The following DNMT3B variants were observed in gnomAD, a reference collection of about 807,000 sequenced individuals.
The protein encoded by DNMT3B is DNA (cytosine-5)-methyltransferase 3B.
In DNMT3B, 37 loss-of-function variants were observed where a neutral mutation model predicts 120.2. The observed-to-expected ratio is 0.31, with a 90% CI of 0.24 to 0.40. The LOEUF (loss-of-function observed/expected upper bound fraction) is 0.40. Ranked by LOEUF, DNMT3B falls within the 10% of genes least tolerant of loss-of-function variation. The pLI, the probability that DNMT3B is intolerant of heterozygous loss-of-function variation, is 1.00. For synonymous variants in DNMT3B, 412 were observed against 442.8 expected (o/e 0.93, Z 0.87); for missense variants, 878 against 1,137.3 (o/e 0.77, Z 3.28).
At chr20:32,798,987 G>A (rs1031165073) in intron 15 of DNMT3B, among the ~76,000 whole-genome samples, 1 of 152,186 alleles carries the variant, frequency 6.6e-6, no homozygotes, top group Non-Finnish European at 1.5e-5. Context: ...TTCCTGTCTG[G>A]GGTGATACCT....
At chr20:32,783,812 G>A (rs945971010) in intron 3 of DNMT3B, among the ~76,000 whole-genome samples, 3 of 151,756 alleles carry the variant, frequency 2.0e-5, no homozygotes, top group Non-Finnish European at 4.4e-5. Context: ...TGCAACCTCC[G>A]CCTCCCAGGT....
chr20:32,773,934 G>GGTTTTTTTTTTTTT (rs1987901194), intron 1 of DNMT3B, among the ~76,000 whole-genome samples: 1 of 69,130 alleles, frequency 1.4e-5, no homozygotes, highest in African/African-American at 6.6e-5. Flanking sequence ...CCCGGCAGTG[G>GGTTTTTTTTTTTTT]TTTTTTTTTT....
chr20:32,785,052 T>TC (rs397829566), intron 4 of DNMT3B, among the ~76,000 whole-genome samples, 193 bp downstream of exon 4: 1 of 151,848 alleles, frequency 6.6e-6, no homozygotes, highest in Non-Finnish European at 1.5e-5. Context: ...TTTTTTTTTT[T>TC]CTGAGACGGA....
At chr20:32,777,974 T>G (rs938975100) in intron 1 of DNMT3B, among the ~76,000 whole-genome samples, 1 of 152,250 alleles carries the variant, frequency 6.6e-6, no homozygotes. Context: ...GTTTATAATC[T>G]GAACAATGCT....
Position 32,805,321 on chromosome 20 carries a change from G to A in DNMT3B, c.2232-17G>A, listed in dbSNP as rs1465134171. ...CTCTATAGCTAGTAAGAAGTAATGG[G>A]TTTTGGCTGTTCCCAGGCCCGTGAT... On this transcript the variant is annotated splice_polypyrimidine_tract_variant and intron_variant, in intron 20 of 22. Transcript: ENST00000328111. The A allele has an allele frequency of 3.1e-6, 5 of 1,614,172 alleles. No individual in the cohort carries two copies. The highest frequency in any genetic ancestry group is 1.7e-5 in the Admixed American group (1 of 60,032).
At position 32,786,593 on chromosome 20, in the gene DNMT3B, T is replaced by C. The variant is rs759114947; in HGVS notation, c.398T>C (p.Val133Ala). The change falls in exon 5 of 23, where the codon GTG becomes GCG. Residue 133 changes from valine to alanine, a missense_variant. Physicochemically the swap from Val to Ala is moderately conservative, Grantham distance 64. Coordinates refer to ENST00000328111, the MANE Select transcript of DNMT3B (RefSeq NM_006892.4). ...CGAGGCCGGCAGGGCCGCAACCATG[T>C]GGACGAGTCCCCCGTGGAGTTCCCG... is the stretch of plus-strand genomic sequence containing the variant. ...STRGRQGRNHVDESPVEFPAT... is the reference protein window; with the variant it reads ...STRGRQGRNHADESPVEFPAT... 14 of 1,613,892 alleles carry C rather than the reference T, an allele frequency of 8.7e-6. No individual in the cohort carries two copies. The African/African-American group carries it at 1.9e-4, about 22-fold the overall frequency.
At chr20:32,801,126 T>G (rs938444707) in intron 18 of DNMT3B, 152 bp from the exon 19 acceptor site, 2 of 1,270,164 alleles carry the variant, frequency 1.6e-6, no homozygotes, top group African/African-American at 3.0e-5. Context: ...TGCTGCTGCC[T>G]GTGTCCCTGC....
chr20:32,793,360 G>A (rs996909227), intron 9 of DNMT3B, among the ~76,000 whole-genome samples, 176 bp from the exon 10 acceptor site: 13 of 152,276 alleles, frequency 8.5e-5, no homozygotes, highest in African/African-American at 2.2e-4. Flanking sequence ...CCAGCTACCC[G>A]GGAGGCTGAG....
chr20:32,795,414 A>G lies in DNMT3B; in HGVS notation c.1132A>G (p.Lys378Glu). 6.2e-7 allele frequency: 1 copy of G among 1,614,054 alleles called. No individual in the cohort carries two copies. Among genetic ancestry groups the G allele is most frequent in the Non-Finnish European group, 8.5e-7 (1 of 1,179,976 alleles). Residue 378 changes from lysine to glutamate, a missense_variant, in exon 11 of 23, where the codon AAG becomes GAG. Lys to Glu is a moderately conservative substitution (Grantham distance 56, BLOSUM62 1). Transcript: ENST00000328111. Reference protein sequence around the residue: ...RKLESRKYENKTRRRTADDSA... With the variant: ...RKLESRKYENETRRRTADDSA... ...AGTCTAATTACCTTTCACAGAGAAC[A>G]AGACTCGAAGACGCACAGCTGACGA... is the stretch of plus-strand genomic sequence containing the variant.
intron 1 of DNMT3B, among the ~76,000 whole-genome samples, chr20:32,778,358 C>CT (rs1988174798): frequency 9.0e-6 from 1 of 110,694 alleles, no homozygotes; most frequent in South Asian, 3.6e-4. Flanking sequence ...GAGGGAGACT[C>CT]TGTCTCAAAA....
intron 7 of DNMT3B, 136 bp from the exon 8 acceptor site, chr20:32,791,464 CT>C: frequency 1.2e-6 from 1 of 828,460 alleles, no homozygotes; most frequent in African/African-American, 1.7e-5. Context: ...AAATAGATGT[CT>C]GTGGACTTTA....
At chr20:32,775,952 C>T (rs1448052869) in intron 1 of DNMT3B, among the ~76,000 whole-genome samples, 1 of 152,162 alleles carries the variant, frequency 6.6e-6, no homozygotes, top group Non-Finnish European at 1.5e-5. Context: ...AAGGAGGTGG[C>T]AGACAGGCTG....
rs1982273760 is a variant in DNMT3B at position 32,809,315 on chromosome 20, C to T, written c.*1412C>T. 1 of 212,064 alleles carries T rather than the reference C, an allele frequency of 4.7e-6. No homozygotes were observed. Among genetic ancestry groups the T allele is most frequent in the Non-Finnish European group, 9.6e-6 (1 of 104,678 alleles). 13.1% of individuals were successfully genotyped at this position (212,064 alleles called of 1,614,324 possible). On this transcript the variant is annotated 3_prime_UTR_variant, in exon 23 of 23. Coordinates refer to ENST00000328111, the MANE Select transcript of DNMT3B (RefSeq NM_006892.4). ...TTTTAGGCTGAAAGATGACGGATGC[C>T]TAGAGTTTACCTTATGTTTAATTAA...
chr20:32,773,061 C>A (rs553128657), intron 1 of DNMT3B, among the ~76,000 whole-genome samples: 1 of 151,654 alleles, frequency 6.6e-6, no homozygotes, highest in Admixed American at 6.6e-5. Flanking sequence ...TCATGTAATC[C>A]GCCCTCCTCG....
chr20:32,797,557 G>C (rs1046840424), intron 14 of DNMT3B, among the ~76,000 whole-genome samples: 3 of 152,164 alleles, frequency 2.0e-5, no homozygotes, highest in African/African-American at 7.2e-5. Flanking sequence ...ACAGTGACAT[G>C]ATCATAGGTC....
At chr20:32,806,981 A>G (rs534884255) in intron 22 of DNMT3B, among the ~76,000 whole-genome samples, 1 of 152,196 alleles carries the variant, frequency 6.6e-6, no homozygotes, top group African/African-American at 2.4e-5. Flanking sequence ...TTCTTCTTTG[A>G]CTTACCAACA....
In DNMT3B at chr20:32,798,699, G is replaced by A. The variant is rs1980959040; in HGVS notation, c.1674+56G>A. 1.3e-5 allele frequency: 21 copies of A among 1,609,386 alleles called. 1 individual carries two copies. The Middle Eastern group carries it at 5.4e-4, about 41-fold the overall frequency. On this transcript the variant is annotated intron_variant, in intron 15 of 22. Transcript: ENST00000328111. ...CAGATCCCAGGGGCACAGGGTGTTGGAAAGCTCTGGAATTCTCAGAAAGAG... is the reference window on the plus strand; with the variant it reads ...CAGATCCCAGGGGCACAGGGTGTTGAAAAGCTCTGGAATTCTCAGAAAGAG...
intron 10 of DNMT3B, among the ~76,000 whole-genome samples, chr20:32,794,775 A>T (rs1268264371): frequency 6.6e-6 from 1 of 152,212 alleles, no homozygotes; most frequent in African/African-American, 2.4e-5. Context: ...TGGTTTCAAA[A>T]TTTCACTTAT....
intron 1 of DNMT3B, among the ~76,000 whole-genome samples, chr20:32,774,475 C>T (rs1259667018): frequency 1.4e-5 from 2 of 143,946 alleles, no homozygotes; most frequent in Admixed American, 1.4e-4. Context: ...TCCCAAAGTG[C>T]TGGGATTACA....
Sources: gnomAD v4.1 joint callset for allele counts (sites outside exome capture counted in the v4.1 genomes callset) on GRCh38, gnomAD v4.1.1 for gene constraint, MANE v1.5 for transcripts, NCBI Gene and HGNC (gene_info 2026-07-23, HGNC 2026-07-21) for gene names.